Variants in CST7 observed in about 807,000 individuals in gnomAD.
CST7 encodes the protein cystatin F.
A neutral mutation model predicts 13.1 loss-of-function variants in CST7; 15 were observed. The observed-to-expected ratio is 1.14, with a 90% CI of 0.77 to 1.76. CST7 has a LOEUF of 1.76. Among genes scored for constraint, CST7 ranks in the 40% most tolerant of loss-of-function variants. The pLI, the probability that CST7 is intolerant of heterozygous loss-of-function variation, is 0.00. For synonymous variants in CST7, 75 were observed against 66.9 expected (o/e 1.12, Z -0.59); for missense variants, 193 against 178.8 (o/e 1.08, Z -0.45).
intron 1 of CST7, among the ~76,000 whole-genome samples, chr20:24,955,800 T>C (rs890450816): frequency 7.9e-5 from 12 of 152,194 alleles, no homozygotes; most frequent in East Asian, 7.7e-4. Context: ...CACTAATTAG[T>C]GTGAAGGACA....
rs2087806833 is a variant in CST7, at chr20:24,949,531, C to T, written c.26C>T (p.Ala9Val). 1.2e-6 allele frequency: 2 copies of T among 1,614,014 alleles called. No homozygotes were observed. The highest frequency in any genetic ancestry group is 1.7e-6 in the Non-Finnish European group (2 of 1,180,056). MRAAGTLL[A>V]FCCLVLSTTG... is the part of the protein sequence containing the mutation. ...ATGCGAGCGGCTGGAACTCTGCTGG[C>T]CTTCTGCTGCCTGGTCTTGAGCACC... The change falls in exon 1 of 4, where the codon GCC becomes GTC. Residue 9 changes from alanine (A) to valine (V), a missense_variant. Physicochemically the swap from Ala to Val is moderately conservative, Grantham distance 64. Transcript: ENST00000480798.
rs142293676 is a variant in CST7 at position 24,957,446 on chromosome 20, G to A, written c.230G>A (p.Arg77Lys). Residue 77 changes from arginine (R) to lysine (K), a missense_variant, in exon 2 of 4, where the codon AGG becomes AAG. Transcript: ENST00000480798. ...TTGTTCAAGGAGTCCCGCATCACAA[G>A]GGCCCTAGTTCAGGTAACGGTCTGG... ...MFLFKESRIT[R>K]ALVQIVKGLK... 2 of 1,613,546 alleles carry A rather than the reference G, an allele frequency of 1.2e-6. No homozygotes were observed. The highest frequency in any genetic ancestry group is 8.5e-7 in the Non-Finnish European group (1 of 1,179,708).
At chr20:24,952,861 G>A (rs2087828569) in intron 1 of CST7, among the ~76,000 whole-genome samples, 1 of 152,216 alleles carries the variant, frequency 6.6e-6, no homozygotes, top group Non-Finnish European at 1.5e-5. Flanking sequence ...CCTGAAAGAG[G>A]GAGGAGGTGG....
intron 2 of CST7, among the ~76,000 whole-genome samples, chr20:24,958,637 C>A (rs975917510): frequency 1.3e-5 from 2 of 152,114 alleles, no homozygotes; most frequent in African/African-American, 4.8e-5. Flanking sequence ...GCAGGGCGGG[C>A]CCAGCAGGGC....
intron 1 of CST7, among the ~76,000 whole-genome samples, chr20:24,951,493 G>C (rs1396470725): frequency 2.0e-5 from 3 of 152,196 alleles, no homozygotes; most frequent in Non-Finnish European, 4.4e-5. Flanking sequence ...GGAGGGTGCT[G>C]GGAGGCCCCC....
chr20:24,954,039 T>G (rs750307997), intron 1 of CST7, among the ~76,000 whole-genome samples: 4 of 152,108 alleles, frequency 2.6e-5, no homozygotes, highest in Non-Finnish European at 4.4e-5. Context: ...TCACCCATTT[T>G]ACCCTCAGGT....
intron 3 of CST7, 52 bp downstream of exon 3, chr20:24,959,096 C>T (rs757767902): frequency 7.2e-7 from 1 of 1,388,574 alleles, no homozygotes. Context: ...CCAGCCCACT[C>T]CCTCCCAGGA....
chr20:24,952,709 T>C (rs2087827775), intron 1 of CST7, among the ~76,000 whole-genome samples: 1 of 152,098 alleles, frequency 6.6e-6, no homozygotes, highest in Admixed American at 6.5e-5. Flanking sequence ...TACTGGCCCA[T>C]GGAAAGGGCA....
At chr20:24,959,158 CCT>C in intron 3 of CST7, 114 bp downstream of exon 3, 1 of 828,298 alleles carries the variant, frequency 1.2e-6, no homozygotes. Context: ...AAACCTCACC[CCT>C]GAGGAAGCCA....
intron 1 of CST7, among the ~76,000 whole-genome samples, chr20:24,950,552 G>A (rs538639662): frequency 3.3e-5 from 5 of 152,340 alleles, no homozygotes; most frequent in African/African-American, 9.6e-5. Context: ...AAGGGGACAC[G>A]GCAGGCTGGA....
chr20:24,953,762 G>A (rs2087835550), intron 1 of CST7, among the ~76,000 whole-genome samples: 1 of 152,202 alleles, frequency 6.6e-6, no homozygotes, highest in Non-Finnish European at 1.5e-5. Flanking sequence ...CACATGGCAG[G>A]TCCCCCATTC....
chr20:24,958,930 A>T lies in CST7; in HGVS notation c.246A>T (p.Ile82=), dbSNP rs753233539. ...ESRITRALVQ[I]VKGLKYMLEV... ...CCCAGTCCCTTTGCTCCCTCCAGAT[A>T]GTGAAAGGCCTGAAATATATGCTGG... The change falls in exon 3 of 4, where the codon ATA becomes ATT. Residue 82 remains isoleucine (I), a splice_region_variant and synonymous_variant. Coordinates refer to ENST00000480798, the MANE Select transcript of CST7 (RefSeq NM_003650.4). 5.5e-5 allele frequency: 88 copies of T among 1,609,568 alleles called. No individual in the cohort carries two copies. Among genetic ancestry groups the T allele is most frequent in the South Asian group, 2.2e-5 (2 of 90,962 alleles).
chr20:24,951,577 C>T (rs760907672), intron 1 of CST7, among the ~76,000 whole-genome samples: 1 of 152,234 alleles, frequency 6.6e-6, no homozygotes, highest in Non-Finnish European at 1.5e-5. Flanking sequence ...CTCCACAACT[C>T]CTACAGCCCC....
intron 2 of CST7, among the ~76,000 whole-genome samples, chr20:24,957,734 G>A (rs2087868716): frequency 6.6e-6 from 1 of 152,170 alleles, no homozygotes; most frequent in Admixed American, 6.5e-5. Flanking sequence ...GTAAGGAGGT[G>A]CCAGGGCCCT....
intron 1 of CST7, among the ~76,000 whole-genome samples, chr20:24,957,006 CAGGT>C (rs2087859742): frequency 4.6e-4 from 4 of 8,634 alleles, no homozygotes; most frequent in Admixed American, 1.2e-3. Flanking sequence ...GGTGAGGGGG[CAGGT>C]GAGGGGGGCA....
At chr20:24,957,716 G>C (rs927244466) in intron 2 of CST7, among the ~76,000 whole-genome samples, 1 of 152,158 alleles carries the variant, frequency 6.6e-6, no homozygotes, top group African/African-American at 2.4e-5. Flanking sequence ...GAGCCTACTA[G>C]GCATGGGGTA....
chr20:24,958,066 G>A (rs984536350), intron 2 of CST7, among the ~76,000 whole-genome samples: 1 of 152,222 alleles, frequency 6.6e-6, no homozygotes, highest in Non-Finnish European at 1.5e-5. Flanking sequence ...ACCACCGTGT[G>A]CTGGTGCCTG....
intron 1 of CST7, among the ~76,000 whole-genome samples, chr20:24,952,936 G>C (rs2087829165): frequency 6.8e-6 from 1 of 146,962 alleles, no homozygotes; most frequent in African/African-American, 2.5e-5. Context: ...GGGTCTGCCT[G>C]GTGCCACCAC....
chr20:24,958,878 C>G (rs757217315), intron 2 of CST7, 50 bp from the exon 3 acceptor site: 1 of 1,382,304 alleles, frequency 7.2e-7, no homozygotes, highest in Non-Finnish European at 1.0e-6. Flanking sequence ...GTGGAGAAGC[C>G]TGCCCTCCCT....
Sources: gnomAD v4.1 joint callset for allele counts (sites outside exome capture counted in the v4.1 genomes callset) on GRCh38, gnomAD v4.1.1 for gene constraint, MANE v1.5 for transcripts, NCBI Gene and HGNC (gene_info 2026-07-23, HGNC 2026-07-21) for gene names.